MACROD1: variants seen among roughly 807,000 people sequenced by gnomAD.
MACROD1 encodes mono-ADP ribosylhydrolase 1, also known as ADP-ribose glycohydrolase MACROD1.
A neutral mutation model predicts 41.4 loss-of-function variants in MACROD1; 31 were observed. That is an observed-to-expected ratio of 0.75 (90% CI 0.56 to 1.01). The LOEUF (loss-of-function observed/expected upper bound fraction) is 1.01. MACROD1 is among the 50% of genes least tolerant of loss of function. The pLI is 0.00. For missense variants in MACROD1, 473 were observed against 460.0 expected (o/e 1.03, Z -0.26); for synonymous variants, 252 against 203.4 (o/e 1.24, Z -2.03).
chr11:64,044,530 C>T (rs1314471946), intron 3 of MACROD1, among the ~76,000 whole-genome samples: 4 of 152,154 alleles, frequency 2.6e-5, no homozygotes, highest in African/African-American at 7.2e-5. Flanking sequence ...TGAGACACTG[C>T]GCCTGCTCTC....
rs952591730 is a variant in MACROD1 at position 64,018,392 on chromosome 11, C to A, written c.518-3111G>T. Among the ~76,000 whole-genome samples, 4 of 152,336 alleles carry A rather than the reference C, an allele frequency of 2.6e-5. No homozygotes were observed. In the South Asian group the frequency reaches 8.3e-4, roughly 32 times the overall value. ...CTGGCCCCTGGGCCTCGACACCAAG[C>A]CACATGGTTCCCCCATAAAGCTGCC... On this transcript the variant is annotated intron_variant, in intron 3 of 10. Coordinates refer to ENST00000255681, the MANE Select transcript of MACROD1 (RefSeq NM_014067.4).
At chr11:64,100,590 G>A (rs912406445) in intron 3 of MACROD1, among the ~76,000 whole-genome samples, 3 of 152,138 alleles carry the variant, frequency 2.0e-5, no homozygotes, top group Admixed American at 6.5e-5. Context: ...TCTGCCAGGC[G>A]CACGCATTTA....
At chr11:64,105,329 GT>G (rs1050417684) in intron 3 of MACROD1, among the ~76,000 whole-genome samples, 4 of 152,214 alleles carry the variant, frequency 2.6e-5, no homozygotes, top group African/African-American at 9.6e-5. Flanking sequence ...AGCAGCTGCT[GT>G]CCCCCAGGCC....
At position 63,999,350 on chromosome 11, in the gene MACROD1, A is replaced by T. The variant is rs780819562; in HGVS notation, c.872T>A (p.Leu291Gln). ...ACTCACCTTGTCCTTGTGCTGCTCC[A>T]GCCACTCTCGCAGCGTGGCCAGCAC... ...EIVLATLREW[L>Q]EQHKDKVDRL... Residue 291 changes from leucine (L) to glutamine (Q), a missense_variant, in exon 8 of 11, where the codon CTG (leucine) becomes CAG (glutamine). Physicochemically the swap from Leu to Gln is moderately radical, Grantham distance 113 (BLOSUM62 -2). Coordinates refer to ENST00000255681, the MANE Select transcript of MACROD1 (RefSeq NM_014067.4). The T allele has an allele frequency of 8.8e-6, 14 of 1,587,828 alleles. No homozygotes were observed. The highest frequency in any genetic ancestry group is 1.1e-5 in the Non-Finnish European group (13 of 1,172,616).
At chr11:64,151,988 G>C (rs186029929) in intron 2 of MACROD1, among the ~76,000 whole-genome samples, 1 of 152,292 alleles carries the variant, frequency 6.6e-6, no homozygotes, top group Admixed American at 6.5e-5. Flanking sequence ...AATTATCCAG[G>C]CATGGTGGTG....
intron 3 of MACROD1, among the ~76,000 whole-genome samples, chr11:64,073,189 C>G (rs1757519167): frequency 1.3e-5 from 2 of 152,248 alleles, no homozygotes; most frequent in South Asian, 2.1e-4. Context: ...GGGCTGCCTG[C>G]TTCTGCCTAA....
At chr11:64,054,972 A>G (rs1043558196) in intron 3 of MACROD1, among the ~76,000 whole-genome samples, 4 of 152,004 alleles carry the variant, frequency 2.6e-5, no homozygotes, top group East Asian at 1.9e-4. Flanking sequence ...AGGATCTCCT[A>G]CCAGCCCTTT....
At chr11:64,114,665 GGATA>G (rs1283299845) in intron 3 of MACROD1, among the ~76,000 whole-genome samples, 1 of 151,576 alleles carries the variant, frequency 6.6e-6, no homozygotes, top group African/African-American at 2.4e-5. Context: ...ATGGACAGGT[GGATA>G]GATGGATGGA....
At chr11:64,132,699 G>A (rs1160615001) in intron 3 of MACROD1, among the ~76,000 whole-genome samples, 1 of 152,208 alleles carries the variant, frequency 6.6e-6, no homozygotes, top group Non-Finnish European at 1.5e-5. Flanking sequence ...CCTAATGAAT[G>A]TGGCTCTTCC....
intron 3 of MACROD1, among the ~76,000 whole-genome samples, chr11:64,086,616 C>T (rs1021007724): frequency 2.6e-5 from 4 of 152,170 alleles, no homozygotes; most frequent in Non-Finnish European, 5.9e-5. Context: ...GTGCTTTTTC[C>T]GGCCCCTGCA....
At chr11:64,121,295 C>T (rs1186688739) in intron 3 of MACROD1, among the ~76,000 whole-genome samples, 2 of 152,206 alleles carry the variant, frequency 1.3e-5, no homozygotes, top group Non-Finnish European at 2.9e-5. Flanking sequence ...TGGGCGAGGG[C>T]GGGGCTCGGC....
At chr11:64,072,628 A>G (rs1944131194) in intron 3 of MACROD1, among the ~76,000 whole-genome samples, 1 of 152,210 alleles carries the variant, frequency 6.6e-6, no homozygotes, top group Admixed American at 6.5e-5. Flanking sequence ...GATGGGGATA[A>G]CAAAGCCCCC....
At chr11:64,056,869 C>T (rs963048331) in intron 3 of MACROD1, among the ~76,000 whole-genome samples, 1 of 152,170 alleles carries the variant, frequency 6.6e-6, no homozygotes, top group Non-Finnish European at 1.5e-5. Flanking sequence ...CATCTACACT[C>T]CCTAGACCCA....
intron 4 of MACROD1, among the ~76,000 whole-genome samples, chr11:64,003,860 A>C (rs1428186686): frequency 2.6e-5 from 4 of 152,156 alleles, no homozygotes; most frequent in African/African-American, 9.7e-5. Flanking sequence ...CCCTTCCAGC[A>C]GGGGGGCTGC....
chr11:64,108,532 C>T (rs886866705), intron 3 of MACROD1, among the ~76,000 whole-genome samples: 8 of 152,294 alleles, frequency 5.3e-5, no homozygotes, highest in South Asian at 2.1e-4. Flanking sequence ...GCAGTTGAGC[C>T]CCCAGGAAGG....
Position 64,063,729 on chromosome 11 carries a change from C to G in MACROD1, c.518-48448G>C, listed in dbSNP as rs149164180. Among the ~76,000 whole-genome samples, 126 of 152,330 alleles carry G rather than the reference C, an allele frequency of 8.3e-4. 1 individual carries two copies. The highest frequency in any genetic ancestry group is 4.6e-3 in the South Asian group (22 of 4,832). ...AGCGGGTGCTGAAACCTACTCCCCC[C>G]TCCATGGGCAGCCACGCGGTCCTCG... is the stretch of plus-strand genomic sequence containing the variant. On this transcript the variant is annotated intron_variant, in intron 3 of 10. Transcript: ENST00000255681.
intron 3 of MACROD1, among the ~76,000 whole-genome samples, chr11:64,108,507 C>T (rs764543097): frequency 2.6e-5 from 4 of 152,196 alleles, no homozygotes; most frequent in Non-Finnish European, 5.9e-5. Context: ...TGGCCCTCTT[C>T]CCTCTGTCTT....
intron 3 of MACROD1, chr11:64,118,812 C>T (rs1945045441): frequency 6.0e-6 from 1 of 167,660 alleles, no homozygotes; most frequent in South Asian, 2.1e-4. Context: ...AGATCTTTTG[C>T]CCTGGAGATA....
Position 64,146,696 on chromosome 11 carries a change from C to CCACACACACCCTCCAT in MACROD1, c.517+4527_517+4542dup, listed in dbSNP as rs1945500654. ...ACATCCCATACAAACACACATCACACCACACACACCCTCCATCACCCACAC... is the reference window on the plus strand; with the variant it reads ...ACATCCCATACAAACACACATCACACCACACACACCCTCCATCACACACACCCTCCATCACCCACAC... On this transcript the variant is annotated intron_variant, in intron 3 of 10. Coordinates refer to ENST00000255681, the MANE Select transcript of MACROD1 (RefSeq NM_014067.4). The surrounding 1 kb of genome is among the most constrained non-coding windows in gnomAD (Gnocchi z 4.7). Among the ~76,000 whole-genome samples the CCACACACACCCTCCAT allele has an allele frequency of 6.6e-6, 1 of 152,028 alleles. No homozygotes were observed. Among genetic ancestry groups the CCACACACACCCTCCAT allele is most frequent in the Non-Finnish European group, 1.5e-5 (1 of 67,990 alleles).
Sources: gnomAD v4.1 joint callset for allele counts (sites outside exome capture counted in the v4.1 genomes callset) on GRCh38, gnomAD v4.1.1 for gene constraint, Gnocchi (gnomAD v3.1) non-coding constraint, MANE v1.5 for transcripts, NCBI Gene and HGNC (gene_info 2026-07-23, HGNC 2026-07-21) for gene names.